ULK4: variants seen among roughly 807,000 people sequenced by gnomAD.
ULK4 encodes unc-51 like kinase 4.
Under a neutral mutation model 160.6 loss-of-function variants are expected in ULK4, and 133 were observed. The ratio of observed to expected loss-of-function variants is 0.83; its 90% confidence interval spans 0.72 to 0.96. The LOEUF (loss-of-function observed/expected upper bound fraction) is 0.96. ULK4 is among the 40% of genes least tolerant of loss of function. The pLI is 0.00. For synonymous variants in ULK4, 534 were observed against 539.8 expected, an observed-to-expected ratio of 0.99 and a Z score of 0.15; for missense variants, 1,580 against 1,499.5, an observed-to-expected ratio of 1.05 and a Z score of -0.89.
chr3:41,248,310 G>A (rs1176327347), intron 36 of ULK4, among the ~76,000 whole-genome samples: 5 of 151,848 alleles, frequency 3.3e-5, no homozygotes, highest in Non-Finnish European at 7.4e-5. Context: ...TAGTCTTACA[G>A]GAGGCCTATA....
chr3:41,722,092 C>T (rs1475947399), intron 22 of ULK4, among the ~76,000 whole-genome samples: 3 of 152,238 alleles, frequency 2.0e-5, no homozygotes, highest in Non-Finnish European at 4.4e-5. Flanking sequence ...TGGGATAATG[C>T]CCGCCTTATA....
At chr3:41,908,509 G>A (rs1698659122) in intron 11 of ULK4, among the ~76,000 whole-genome samples, 1 of 151,846 alleles carries the variant, frequency 6.6e-6, no homozygotes, top group South Asian at 2.1e-4. Context: ...GCAGTGGCAC[G>A]ATCTCGGCTC....
chr3:41,407,344 T>TGAACAC (rs1209763045), intron 34 of ULK4, among the ~76,000 whole-genome samples: 4 of 152,184 alleles, frequency 2.6e-5, no homozygotes, highest in African/African-American at 9.7e-5. Flanking sequence ...GGAACACTTC[T>TGAACAC]GAACTCATTC....
intron 4 of ULK4, among the ~76,000 whole-genome samples, chr3:41,934,862 G>T (rs1420498877): frequency 1.3e-5 from 2 of 151,996 alleles, no homozygotes; most frequent in African/African-American, 4.8e-5. Context: ...TAAGAGCTAA[G>T]AGGGCCTTAT....
intron 25 of ULK4, among the ~76,000 whole-genome samples, chr3:41,710,395 A>C (rs1210845660): frequency 6.6e-6 from 1 of 152,178 alleles, no homozygotes; most frequent in Non-Finnish European, 1.5e-5. Context: ...GAATTTTAAG[A>C]GAGACCTGTC....
intron 34 of ULK4, among the ~76,000 whole-genome samples, chr3:41,406,883 T>C (rs563678479): frequency 5.3e-5 from 8 of 152,310 alleles, no homozygotes; most frequent in African/African-American, 1.4e-4. Context: ...TGAAGAACGG[T>C]TGTCCCTAAG....
chr3:41,854,625 A>C (rs1041762587), intron 17 of ULK4, among the ~76,000 whole-genome samples: 5 of 152,066 alleles, frequency 3.3e-5, no homozygotes, highest in Admixed American at 2.6e-4. Context: ...CAGAAACCTA[A>C]CTCAAGTCCC....
chr3:41,356,575 T>C (rs1248919366), intron 35 of ULK4, among the ~76,000 whole-genome samples: 1 of 152,224 alleles, frequency 6.6e-6, no homozygotes. Context: ...AGGTACAGTA[T>C]GATTCCTTTT....
rs188722613 is a variant in ULK4, at chr3:41,464,893, T to C, written c.3227-1640A>G. On this transcript the variant is annotated intron_variant, in intron 32 of 36. Coordinates refer to ENST00000301831, the MANE Select transcript of ULK4 (RefSeq NM_017886.4). ...CAGTTAGTGGGCATCAATGTTCTTCTTGAACTTCATTCAGTCTTCAAGGAA... is the reference window on the plus strand; with the variant it reads ...CAGTTAGTGGGCATCAATGTTCTTCCTGAACTTCATTCAGTCTTCAAGGAA... Among the ~76,000 whole-genome samples, 375 of 152,322 alleles carry C rather than the reference T, an allele frequency of 2.5e-3. 1 individual carries two copies. The highest frequency in any genetic ancestry group is 8.6e-3 in the African/African-American group (358 of 41,568).
intron 34 of ULK4, among the ~76,000 whole-genome samples, chr3:41,452,813 A>T (rs563247615): frequency 2.5e-4 from 38 of 152,308 alleles, no homozygotes; most frequent in Non-Finnish European, 4.9e-4. Flanking sequence ...CGAGCTAAGA[A>T]TATCTTCCAT....
chr3:41,557,169 C>T (rs1395941039), intron 32 of ULK4, among the ~76,000 whole-genome samples: 2 of 151,990 alleles, frequency 1.3e-5, no homozygotes, highest in Non-Finnish European at 2.9e-5. Context: ...TGACAAATGT[C>T]ATTATTCCTG....
intron 35 of ULK4, among the ~76,000 whole-genome samples, chr3:41,293,808 A>T (rs1171844387): frequency 6.6e-6 from 1 of 152,260 alleles, no homozygotes; most frequent in Non-Finnish European, 1.5e-5. Flanking sequence ...ATAAAGTGCC[A>T]TGGAGCCCTA....
chr3:41,711,227 A>T (rs568947697), intron 25 of ULK4, among the ~76,000 whole-genome samples: 1 of 152,292 alleles, frequency 6.6e-6, no homozygotes, highest in South Asian at 2.1e-4. Context: ...ATGACCCAGA[A>T]ATCTGCAGAT....
At chr3:41,903,130 C>T (rs1313444903) in intron 12 of ULK4, among the ~76,000 whole-genome samples, 1 of 152,102 alleles carries the variant, frequency 6.6e-6, no homozygotes, top group Non-Finnish European at 1.5e-5. Flanking sequence ...CTGGATATCC[C>T]TGCTGATTTA....
intron 21 of ULK4, among the ~76,000 whole-genome samples, chr3:41,771,183 T>G (rs1008590817): frequency 3.3e-5 from 5 of 152,220 alleles, no homozygotes; most frequent in African/African-American, 1.2e-4. Flanking sequence ...TTGTCAATTA[T>G]AAAATACCAC....
intron 35 of ULK4, among the ~76,000 whole-genome samples, chr3:41,274,038 T>G (rs1428705776): frequency 1.3e-5 from 2 of 152,092 alleles, no homozygotes; most frequent in East Asian, 3.9e-4. Context: ...TTTTTTTTTA[T>G]ACTAACACAA....
chr3:41,903,393 T>C (rs537582303), intron 12 of ULK4, among the ~76,000 whole-genome samples: 8 of 152,164 alleles, frequency 5.3e-5, no homozygotes, highest in African/African-American at 1.4e-4. Context: ...GAGACCAGTC[T>C]GGCCAAAATG....
chr3:41,659,100 GTTTA>G (rs1322588240), intron 30 of ULK4, among the ~76,000 whole-genome samples: 2 of 152,152 alleles, frequency 1.3e-5, no homozygotes, highest in South Asian at 2.1e-4. Flanking sequence ...CAATAAACCT[GTTTA>G]TTTATTTATT....
At chr3:41,811,057 A>T (rs1379336613) in intron 19 of ULK4, among the ~76,000 whole-genome samples, 11 of 147,448 alleles carry the variant, frequency 7.5e-5, no homozygotes, top group Non-Finnish European at 6.0e-5. Flanking sequence ...CTAATTTTAA[A>T]TTTTTTTTTT....
Sources: allele counts gnomAD v4.1 joint callset (sites outside exome capture counted in the v4.1 genomes callset), GRCh38; gene constraint gnomAD v4.1.1; transcripts MANE v1.5; gene names NCBI Gene and HGNC (gene_info 2026-07-23, HGNC 2026-07-21).